The following PLEKHD1 variants were observed in gnomAD, a reference collection of about 807,000 sequenced individuals.
PLEKHD1 encodes pleckstrin homology and coiled-coil domain containing D1, also known as pleckstrin homology domain-containing family D member 1.
Under a neutral mutation model 69.2 loss-of-function variants are expected in PLEKHD1, and 51 were observed. That is an observed-to-expected ratio of 0.74 (90% CI 0.59 to 0.93). The LOEUF is 0.93. Ranked by LOEUF, PLEKHD1 falls within the 40% of genes least tolerant of loss-of-function variation. The pLI, the probability that PLEKHD1 is intolerant of heterozygous loss-of-function variation, is 0.00. For missense variants in PLEKHD1, 584 were observed against 641.0 expected (o/e 0.91, Z 0.96); for synonymous variants, 236 against 244.7 (o/e 0.96, Z 0.33).
rs2139504899 is a variant in PLEKHD1, at chr14:69,500,190, C to T, written c.225C>T (p.Tyr75=). Residue 75 remains tyrosine (Y), a synonymous_variant, in exon 2 of 13, where the codon TAC becomes TAT. Transcript: ENST00000322564. ...SEKKSFETNK[Y]FNIHPKGVIP... ...AAAAGAGCTTTGAAACCAATAAATA[C>T]TTCAATATACATCCTAAGGTGAGGC... 2 of 1,548,284 alleles carry T rather than the reference C, an allele frequency of 1.3e-6. No homozygotes were observed. The highest frequency in any genetic ancestry group is 1.4e-5 in the African/African-American group (1 of 73,060).
At chr14:69,517,284 T>C (rs950175220) in intron 6 of PLEKHD1, among the ~76,000 whole-genome samples, 1 of 152,144 alleles carries the variant, frequency 6.6e-6, no homozygotes, top group African/African-American at 2.4e-5. Context: ...CACTGGAAGA[T>C]CACAAGCTCT....
intron 6 of PLEKHD1, among the ~76,000 whole-genome samples, chr14:69,507,760 T>A (rs1358673009): frequency 6.6e-6 from 1 of 152,220 alleles, no homozygotes; most frequent in African/African-American, 2.4e-5. Context: ...TTGCCCAGAC[T>A]GGAGTGCAGT....
intron 6 of PLEKHD1, among the ~76,000 whole-genome samples, chr14:69,518,067 T>A (rs1470307675): frequency 6.6e-6 from 1 of 152,068 alleles, no homozygotes; most frequent in Non-Finnish European, 1.5e-5. Flanking sequence ...GGCATCACTT[T>A]GTCACCCAGG....
intron 6 of PLEKHD1, among the ~76,000 whole-genome samples, chr14:69,516,873 A>G (rs1203891008): frequency 6.6e-6 from 1 of 152,092 alleles, no homozygotes; most frequent in Non-Finnish European, 1.5e-5. Flanking sequence ...GTTTCACCAT[A>G]TTACCCAGGC....
At chr14:69,485,794 T>G (rs971814134) in intron 1 of PLEKHD1, among the ~76,000 whole-genome samples, 2 of 152,160 alleles carry the variant, frequency 1.3e-5, no homozygotes, top group Admixed American at 1.3e-4. Context: ...GATAGATTGG[T>G]TCTGCCAAGG....
chr14:69,499,605 A>G (rs1033816953), intron 1 of PLEKHD1, among the ~76,000 whole-genome samples: 2 of 152,232 alleles, frequency 1.3e-5, no homozygotes, highest in Non-Finnish European at 2.9e-5. Flanking sequence ...GACAAAGGGA[A>G]GAAGGAGACT....
In PLEKHD1 at chr14:69,526,691, C is replaced by T. The variant is rs1307616841; in HGVS notation, c.924-6C>T. On this transcript the variant is annotated splice_polypyrimidine_tract_variant and splice_region_variant and intron_variant, in intron 9 of 12. Coordinates refer to ENST00000322564, the MANE Select transcript of PLEKHD1 (RefSeq NM_001161498.2). ...CATTGAGAAAGTGCCTCTTCTGTCC[C>T]TACAGGATGAAGGAGAACGAGGAGC... The T allele has an allele frequency of 6.6e-7, 1 of 1,514,136 alleles. No homozygotes were observed. The highest frequency in any genetic ancestry group is 2.2e-5 in the Admixed American group (1 of 45,088). The allele number at this position is 1,514,136 out of a possible 1,614,324, so 93.8% of individuals were successfully genotyped here. A position where few individuals can be genotyped will look rare whatever the true frequency, so the allele number is the denominator to read the frequency against.
In PLEKHD1 at chr14:69,528,316, T is replaced by TG. The variant is rs1566567845; in HGVS notation, c.1420dup (p.Ala474GlyfsTer113). On this transcript the variant is annotated frameshift_variant, in exon 13 of 13. Transcript: ENST00000322564. LOFTEE classifies it high-confidence loss of function. ...AACAACATGGAGGAGCTAAAGGAGG[T>TG]GGCCAAGCGGCTCAGCAGGGACCAG... is the stretch of plus-strand genomic sequence containing the variant. 1 of 1,551,332 alleles carries TG rather than the reference T, an allele frequency of 6.4e-7. No homozygotes were observed. The highest frequency in any genetic ancestry group is 8.7e-7 in the Non-Finnish European group (1 of 1,146,966).
At chr14:69,516,099 C>T (rs148023671) in intron 6 of PLEKHD1, among the ~76,000 whole-genome samples, 1,710 of 152,250 alleles carry the variant, frequency 0.011, 38 homozygotes, top group African/African-American at 0.04. Context: ...TTGTGGATTA[C>T]AGGAGTGAGC....
At chr14:69,526,899 T>C in intron 10 of PLEKHD1, 70 bp downstream of exon 10, 3 of 1,452,812 alleles carry the variant, frequency 2.1e-6, no homozygotes, top group South Asian at 1.5e-5. Flanking sequence ...CCCTGCACTT[T>C]ACCGGGTAGC....
rs1176304194 is a variant in PLEKHD1 at position 69,492,389 on chromosome 14, C to T, written c.149+7275C>T. ...TTGATTCCTCCCGGTCTTCACTCTTCCTATACCTAATATAAACTTACAATG... is the reference window on the plus strand; with the variant it reads ...TTGATTCCTCCCGGTCTTCACTCTTTCTATACCTAATATAAACTTACAATG... On this transcript the variant is annotated intron_variant, in intron 1 of 12. Coordinates refer to ENST00000322564, the MANE Select transcript of PLEKHD1 (RefSeq NM_001161498.2). Among the ~76,000 whole-genome samples the T allele has an allele frequency of 2.0e-5, 3 of 152,192 alleles. No individual in the cohort carries two copies. In the East Asian group the frequency reaches 5.8e-4, roughly 29 times the overall value.
intron 1 of PLEKHD1, among the ~76,000 whole-genome samples, chr14:69,487,019 G>T (rs923232188): frequency 6.6e-6 from 1 of 152,158 alleles, no homozygotes; most frequent in African/African-American, 2.4e-5. Context: ...ACAGCTAAAA[G>T]TCAAGTCCTT....
chr14:69,470,273 G>A, the PLEKHD1 span, among the ~76,000 whole-genome samples: 2 of 151,612 alleles, frequency 1.3e-5, no homozygotes, highest in Admixed American at 1.3e-4. Context: ...GACCAACCTG[G>A]GCAACATGGT....
At chr14:69,507,994 C>T (rs1883189112) in intron 6 of PLEKHD1, among the ~76,000 whole-genome samples, 1 of 152,180 alleles carries the variant, frequency 6.6e-6, no homozygotes, top group Non-Finnish European at 1.5e-5. Context: ...CTGTATCTGG[C>T]TGATTTTGGC....
chr14:69,489,935 T>C (rs990152322), intron 1 of PLEKHD1, among the ~76,000 whole-genome samples: 2 of 152,188 alleles, frequency 1.3e-5, no homozygotes, highest in African/African-American at 4.8e-5. Flanking sequence ...GTCGTGATCT[T>C]GGCTCACTGC....
intron 6 of PLEKHD1, among the ~76,000 whole-genome samples, chr14:69,507,208 G>C (rs1389814103): frequency 2.0e-5 from 3 of 152,030 alleles, no homozygotes; most frequent in Non-Finnish European, 4.4e-5. Context: ...TCTTTTTACT[G>C]TATCCATAGT....
rs529299292 is a variant in PLEKHD1 at position 69,522,315 on chromosome 14, C to T, written c.588C>T (p.Ala196=). ...AGCGCCTTAACCAGGTGCTGGAGGCCGAGAAGCAGCAGTTCGAGGAGGTGG... is the reference window on the plus strand; with the variant it reads ...AGCGCCTTAACCAGGTGCTGGAGGCTGAGAAGCAGCAGTTCGAGGAGGTGG... The part of the protein sequence containing the change: ...ELERLNQVLE[A]EKQQFEEVVQ... Residue 196 remains alanine (A), a synonymous_variant, in exon 7 of 13, where the codon GCC becomes GCT. Coordinates refer to ENST00000322564, the MANE Select transcript of PLEKHD1 (RefSeq NM_001161498.2). 3.4e-5 allele frequency: 52 copies of T among 1,551,434 alleles called. No homozygotes were observed. The highest frequency in any genetic ancestry group is 3.1e-4 in the African/African-American group (23 of 73,094).
rs61212802 is a variant in PLEKHD1 at position 69,514,106 on chromosome 14, C to CT, written c.556-8176dup. 2.2e-4 allele frequency among the ~76,000 whole-genome samples: 34 copies of CT among 152,168 alleles called. No individual in the cohort carries two copies. In the East Asian group the frequency reaches 6.4e-3, roughly 28 times the overall value. ...ATTCATTTGGTGTTCTCTTAGCTTCCTAGATCTGTGGTTTGATGTCTGACA... is the reference window on the plus strand; with the variant it reads ...ATTCATTTGGTGTTCTCTTAGCTTCCTTAGATCTGTGGTTTGATGTCTGACA... On this transcript the variant is annotated intron_variant, in intron 6 of 12. Transcript: ENST00000322564.
At chr14:69,478,937 G>A in the PLEKHD1 span, among the ~76,000 whole-genome samples, 9 of 152,176 alleles carry the variant, frequency 5.9e-5, no homozygotes, top group Admixed American at 1.3e-4. Context: ...TTTTGAGTGC[G>A]GACAGGGCCA....
Sources: allele counts gnomAD v4.1 joint callset (sites outside exome capture counted in the v4.1 genomes callset), GRCh38; gene constraint gnomAD v4.1.1; transcripts MANE v1.5; gene names NCBI Gene and HGNC (gene_info 2026-07-23, HGNC 2026-07-21).